The following DAAM2 variants were observed in gnomAD, a reference collection of about 807,000 sequenced individuals.
DAAM2 encodes disheveled-associated activator of morphogenesis 2.
In DAAM2, 39 loss-of-function variants were observed where a neutral mutation model predicts 120.7. The ratio of observed to expected loss-of-function variants is 0.32; its 90% CI spans 0.25 to 0.42. DAAM2 has a LOEUF of 0.42. Among genes scored for constraint, DAAM2 ranks in the 10% least tolerant of loss-of-function variants. DAAM2 has a pLI of 1.00. For missense variants in DAAM2, 1,283 were observed against 1,401.7 expected (o/e 0.92, Z 1.35); for synonymous variants, 488 against 524.9 (o/e 0.93, Z 0.96).
intron 1 of DAAM2, among the ~76,000 whole-genome samples, chr6:39,843,185 A>C (rs1172157655): frequency 6.6e-6 from 1 of 152,182 alleles, no homozygotes; most frequent in African/African-American, 2.4e-5. Flanking sequence ...TGGAAAGAGC[A>C]CTGCGGGGGG....
chr6:39,899,611 C>A (rs530075693), intron 22 of DAAM2: 11 of 159,036 alleles, frequency 6.9e-5, no homozygotes, highest in Non-Finnish European at 2.8e-5. Flanking sequence ...GTTGCCACTA[C>A]GGTGGGGGAA....
chr6:39,892,796 G>A (rs1468811767), intron 19 of DAAM2, among the ~76,000 whole-genome samples: 2 of 152,162 alleles, frequency 1.3e-5, no homozygotes, highest in Non-Finnish European at 2.9e-5. Context: ...ATGCTTCAGG[G>A]ATAGTCTATG....
intron 1 of DAAM2, among the ~76,000 whole-genome samples, chr6:39,797,634 C>G (rs1463114516): frequency 6.6e-6 from 1 of 152,194 alleles, no homozygotes; most frequent in East Asian, 1.9e-4. Flanking sequence ...GTCCACAGTT[C>G]TGTAAGCTTC....
At chr6:39,861,892 C>T (rs1233291727) in intron 3 of DAAM2, 1 of 152,616 alleles carries the variant, frequency 6.6e-6, no homozygotes, top group African/African-American at 2.4e-5. Context: ...ACAGGAAGGT[C>T]TGGGCGGAGT....
In DAAM2 at chr6:39,901,835, A is replaced by AGCGGTG. The variant is rs778131826; in HGVS notation, c.3008_3013dup (p.Arg1003_Trp1004dup). ...CAGCTGAAGGAGCAGAGGGAACGTG[A>AGCGGTG]GCGGTGGCAGCGGCAGCGGAAGGTC... On this transcript the variant is annotated inframe_insertion, in exon 25 of 25. Coordinates refer to ENST00000274867, the MANE Select transcript of DAAM2 (RefSeq NM_001201427.2). The surrounding 1 kb of genome is among the most constrained non-coding windows in gnomAD (Gnocchi z 4.5). The AGCGGTG allele has an allele frequency of 5.8e-6, 9 of 1,558,840 alleles. No individual in the cohort carries two copies. In the East Asian group the frequency reaches 9.1e-5, roughly 16 times the overall value.
rs567693104 is a variant in DAAM2, at chr6:39,816,988, A to G, written c.-57+24523A>G. On this transcript the variant is annotated intron_variant, in intron 1 of 24. Coordinates refer to ENST00000274867, the MANE Select transcript of DAAM2 (RefSeq NM_001201427.2). ...TCGTGTTTAACATTCTTGTTGCCGT[A>G]GTGGAAACTTTTGTTCTTTGGAGGG... Among the ~76,000 whole-genome samples, 25 of 152,348 alleles carry G rather than the reference A, an allele frequency of 1.6e-4. No individual in the cohort carries two copies. In the East Asian group the frequency reaches 4.2e-3, roughly 26 times the overall value.
intron 1 of DAAM2, among the ~76,000 whole-genome samples, chr6:39,855,861 G>A (rs1763979088): frequency 6.6e-6 from 1 of 152,166 alleles, no homozygotes; most frequent in African/African-American, 2.4e-5. Flanking sequence ...AGTGAGCCTT[G>A]CTGGAAGCTG....
At chr6:39,886,469 G>C in intron 15 of DAAM2, 1 of 399,366 alleles carries the variant, frequency 2.5e-6, no homozygotes, top group Non-Finnish European at 4.4e-6. Context: ...TCGGGGCTCT[G>C]ACCACTCCAA....
At chr6:39,798,825 C>G (rs1761776539) in intron 1 of DAAM2, among the ~76,000 whole-genome samples, 1 of 151,930 alleles carries the variant, frequency 6.6e-6, no homozygotes, top group Admixed American at 6.6e-5. Flanking sequence ...ATTCCAACCC[C>G]CTTTTCCTCC....
Position 39,891,693 on chromosome 6 carries a change from G to C in DAAM2, c.2312G>C (p.Arg771Pro). ...TTCTTCAAGAAGAAATTCCAGGAGC[G>C]GCTGGCTGAGGCAAAGCCCAAAGTG... is the stretch of plus-strand genomic sequence containing the variant. Reference protein sequence around the residue: ...ALFFKKKFQERLAEAKPKVEA... With the variant: ...ALFFKKKFQEPLAEAKPKVEA... The change falls in exon 19 of 25, where the codon CGG becomes CCG. Residue 771 changes from arginine (R) to proline (P), a missense_variant. Arg to Pro is a moderately radical substitution (Grantham distance 103). Coordinates refer to ENST00000274867, the MANE Select transcript of DAAM2 (RefSeq NM_001201427.2). The C allele has an allele frequency of 6.2e-7, 1 of 1,606,562 alleles. No homozygotes were observed.
intron 14 of DAAM2, among the ~76,000 whole-genome samples, chr6:39,880,437 G>A (rs934784870): frequency 1.3e-5 from 2 of 152,224 alleles, no homozygotes; most frequent in Non-Finnish European, 2.9e-5. Flanking sequence ...CAGCTAGCCT[G>A]TCAATCTGAA....
intron 16 of DAAM2, 36 bp downstream of exon 16, chr6:39,887,628 G>A: frequency 7.1e-7 from 1 of 1,412,564 alleles, no homozygotes; most frequent in Non-Finnish European, 9.9e-7. Flanking sequence ...TTGGATGCCT[G>A]GGGGACAAAG....
chr6:39,849,298 C>T (rs199568547), intron 1 of DAAM2, among the ~76,000 whole-genome samples: 3 of 152,144 alleles, frequency 2.0e-5, no homozygotes, highest in East Asian at 3.9e-4. Context: ...CTGAACATGG[C>T]CCCTGTAATA....
At chr6:39,817,185 AG>A (rs1762334389) in intron 1 of DAAM2, among the ~76,000 whole-genome samples, 1 of 152,204 alleles carries the variant, frequency 6.6e-6, no homozygotes, top group Non-Finnish European at 1.5e-5. Context: ...AGCTGGAGGA[AG>A]GGCCATGTGC....
intron 5 of DAAM2, 36 bp from the exon 6 acceptor site, chr6:39,867,474 T>G: frequency 5.6e-6 from 9 of 1,599,216 alleles, no homozygotes; most frequent in Non-Finnish European, 7.7e-6. Context: ...CAGAATCATA[T>G]GCAAATATAT....
intron 1 of DAAM2, among the ~76,000 whole-genome samples, chr6:39,847,779 C>T (rs1289800550): frequency 6.6e-6 from 1 of 152,130 alleles, no homozygotes; most frequent in Admixed American, 6.5e-5. Flanking sequence ...TCCACTTCTC[C>T]CTCTTGTCTT....
intron 5 of DAAM2, among the ~76,000 whole-genome samples, chr6:39,866,453 C>T (rs1382703138): frequency 5.3e-5 from 8 of 152,120 alleles, no homozygotes; most frequent in South Asian, 2.1e-4. Context: ...AACACAAATA[C>T]GCTTGGGATA....
intron 6 of DAAM2, 140 bp from the exon 7 acceptor site, chr6:39,868,683 G>A (rs1764526246): frequency 3.1e-6 from 2 of 647,794 alleles, no homozygotes; most frequent in Non-Finnish European, 5.5e-6. Context: ...GCAGCCCAGA[G>A]TAAATTGGAC....
At chr6:39,846,486 AT>A (rs1763594581) in intron 1 of DAAM2, among the ~76,000 whole-genome samples, 1 of 152,160 alleles carries the variant, frequency 6.6e-6, no homozygotes, top group South Asian at 2.1e-4. Flanking sequence ...TCAATCTCCT[AT>A]GGCATCAATA....
Sources: allele counts gnomAD v4.1 joint callset (sites outside exome capture counted in the v4.1 genomes callset), GRCh38; gene constraint gnomAD v4.1.1; non-coding constraint Gnocchi (gnomAD v3.1); transcripts MANE v1.5; gene names NCBI Gene and HGNC (gene_info 2026-07-23, HGNC 2026-07-21).